FANCB: variants seen among roughly 807,000 people sequenced by gnomAD.
FANCB encodes Fanconi anemia group B protein.
Under a neutral mutation model 38.9 loss-of-function variants are expected in FANCB, and 5 were observed. The ratio of observed to expected loss-of-function variants is 0.13; its 90% confidence interval spans 0.07 to 0.27. The LOEUF is 0.27. Among genes scored for constraint, FANCB ranks in the 10% least tolerant of loss-of-function variants. The pLI, the probability that FANCB is intolerant of heterozygous loss-of-function variation, is 1.00. For synonymous variants in FANCB, 236 were observed against 215.4 expected, an observed-to-expected ratio of 1.10 and a Z score of -0.84; for missense variants, 573 against 602.7, an observed-to-expected ratio of 0.95 and a Z score of 0.52.
chrX:14,852,853 TTG>T (rs1257143817), intron 6 of FANCB, among the ~76,000 whole-genome samples, 184 bp downstream of exon 6: 1 of 112,164 alleles, frequency 8.9e-6, no homozygotes, highest in African/African-American at 3.2e-5. Context: ...TGATAAAATA[TTG>T]GCTCCTTAAT....
chrX:14,786,658 A>G, the FANCB span, among the ~76,000 whole-genome samples: 1 of 111,755 alleles, frequency 8.9e-6, no homozygotes, highest in Admixed American at 9.5e-5. Flanking sequence ...TGTCTGCAAT[A>G]AGAAAGTGAG....
Position 14,864,544 on chromosome X carries a change from A to T in FANCB, c.951+16T>A. ...TGAGACCACCAACTGAATTATTATTACAATAAGTGTTGTACCTGAAAGCTC... is the reference window on the plus strand; with the variant it reads ...TGAGACCACCAACTGAATTATTATTTCAATAAGTGTTGTACCTGAAAGCTC... On this transcript the variant is annotated intron_variant, in intron 3 of 9. Transcript: ENST00000650831. The T allele has an allele frequency of 9.8e-7, 1 of 1,015,588 alleles. No homozygotes were observed. The allele number at this position is 1,015,588 out of a possible 1,213,427, so 83.7% of individuals were successfully genotyped here.
intron 7 of FANCB, among the ~76,000 whole-genome samples, chrX:14,848,760 A>T (rs930199421): frequency 3.6e-5 from 4 of 111,904 alleles, no homozygotes; most frequent in Non-Finnish European, 7.5e-5. Flanking sequence ...ATGTTATGTT[A>T]AAGAATTACT....
chrX:14,707,132 C>T, the FANCB span, among the ~76,000 whole-genome samples: 1 of 111,956 alleles, frequency 8.9e-6, no homozygotes, highest in East Asian at 2.8e-4. Context: ...GGAATTACTG[C>T]CATTGAATTC....
the FANCB span, among the ~76,000 whole-genome samples, chrX:14,825,465 C>A: frequency 9.0e-6 from 1 of 111,463 alleles, no homozygotes; most frequent in African/African-American, 3.3e-5. Context: ...CTGCTATGTG[C>A]CCTCTCCAGC....
chrX:14,758,114 A>G, the FANCB span, among the ~76,000 whole-genome samples: 1 of 110,862 alleles, frequency 9.0e-6, no homozygotes, highest in Non-Finnish European at 1.9e-5. Context: ...CAGCTTTCCC[A>G]CTGCCTTGCA....
At chrX:14,784,998 A>T in the FANCB span, among the ~76,000 whole-genome samples, 2 of 111,579 alleles carry the variant, frequency 1.8e-5, no homozygotes, top group African/African-American at 6.5e-5. Flanking sequence ...GGAACAACAC[A>T]CACTGGGGCC....
chrX:14,772,966 C>T, the FANCB span, among the ~76,000 whole-genome samples: 8 of 111,062 alleles, frequency 7.2e-5, no homozygotes, highest in Non-Finnish European at 1.3e-4. Flanking sequence ...ATGGCCACAC[C>T]CCTTCCCCCA....
At chrX:14,802,740 C>T in the FANCB span, among the ~76,000 whole-genome samples, 3 of 111,682 alleles carry the variant, frequency 2.7e-5, no homozygotes, top group African/African-American at 9.8e-5. Flanking sequence ...TCTTGGATAA[C>T]CCCCGATGCT....
downstream of FANCB, among the ~76,000 whole-genome samples, chrX:14,840,012 C>A (rs996973967): frequency 2.7e-5 from 3 of 111,322 alleles, no homozygotes; most frequent in Non-Finnish European, 3.8e-5. Context: ...TGTGCCACCA[C>A]ACCTGGCTAA....
chrX:14,730,738 T>C, the FANCB span: 1 of 345,237 alleles, frequency 2.9e-6, no homozygotes, highest in African/African-American at 2.6e-5. Flanking sequence ...TTAGCATTGT[T>C]CTTTCAGTCA....
chrX:14,721,663 G>T, the FANCB span, among the ~76,000 whole-genome samples: 1 of 111,290 alleles, frequency 9.0e-6, no homozygotes, highest in Non-Finnish European at 1.9e-5. Context: ...CCCTGTATAT[G>T]ATTTTTTCCC....
At chrX:14,691,736 T>C in the FANCB span, among the ~76,000 whole-genome samples, 2 of 111,842 alleles carry the variant, frequency 1.8e-5, no homozygotes, top group Admixed American at 9.5e-5. Context: ...CCCAATCTCA[T>C]AGAGGCTATC....
intron 3 of FANCB, among the ~76,000 whole-genome samples, chrX:14,861,700 A>T (rs2147436439): frequency 9.0e-6 from 1 of 111,587 alleles, no homozygotes; most frequent in African/African-American, 3.3e-5. Flanking sequence ...CAGTTGTAAA[A>T]CCCATCATAT....
At chrX:14,726,650 T>A in the FANCB span, among the ~76,000 whole-genome samples, 1 of 112,590 alleles carries the variant, frequency 8.9e-6, no homozygotes, top group East Asian at 2.8e-4. Context: ...CGATGTACAA[T>A]ATAATGAGAT....
the FANCB span, among the ~76,000 whole-genome samples, chrX:14,775,111 C>T: frequency 4.9e-5 from 5 of 102,678 alleles, no homozygotes; most frequent in Admixed American, 1.1e-4. Context: ...GGATTACAGG[C>T]GTGAGCCACC....
the FANCB span, among the ~76,000 whole-genome samples, chrX:14,789,689 G>C: frequency 2.7e-5 from 3 of 111,584 alleles, no homozygotes; most frequent in East Asian, 2.8e-4. Context: ...TATGATGTTT[G>C]CAAGATGACT....
At chrX:14,858,707 T>C (rs2092433823) in intron 4 of FANCB, among the ~76,000 whole-genome samples, 1 of 111,230 alleles carries the variant, frequency 9.0e-6, no homozygotes, top group South Asian at 3.7e-4. Flanking sequence ...AAAATTAAAA[T>C]TATGCTAATT....
chrX:14,729,806 C>A, the FANCB span, among the ~76,000 whole-genome samples: 1 of 111,144 alleles, frequency 9.0e-6, no homozygotes, highest in Admixed American at 9.6e-5. Context: ...TAAATGTTTT[C>A]TGAATGAATG....
Sources: allele counts gnomAD v4.1 joint callset (sites outside exome capture counted in the v4.1 genomes callset), GRCh38; gene constraint gnomAD v4.1.1; transcripts MANE v1.5; gene names NCBI Gene and HGNC (gene_info 2026-07-23, HGNC 2026-07-21).